NRXN3: variants seen among roughly 807,000 people sequenced by gnomAD.
The protein encoded by NRXN3 is neurexin 3, also known as neurexin III.
Under a neutral mutation model 137.6 loss-of-function variants are expected in NRXN3, and 32 were observed. The ratio of observed to expected loss-of-function variants is 0.23; its 90% CI spans 0.18 to 0.31. The LOEUF (loss-of-function observed/expected upper bound fraction) is 0.31. Among genes scored for constraint, NRXN3 ranks in the 10% least tolerant of loss-of-function variants. NRXN3 has a pLI of 1.00. For synonymous variants in NRXN3, 798 were observed against 784.5 expected (o/e 1.02, Z -0.29); for missense variants, 1,574 against 2,062.5 (o/e 0.76, Z 4.59).
intron 4 of NRXN3, among the ~76,000 whole-genome samples, chr14:78,376,197 C>G (rs891233303): frequency 3.3e-5 from 5 of 152,124 alleles, no homozygotes; most frequent in African/African-American, 1.2e-4. Flanking sequence ...ACTCAAAGTT[C>G]TACAGGAACT....
intron 10 of NRXN3, among the ~76,000 whole-genome samples, chr14:78,917,697 T>A (rs1324416504): frequency 6.6e-6 from 1 of 152,086 alleles, no homozygotes; most frequent in Non-Finnish European, 1.5e-5. Context: ...CAGGAATGAC[T>A]GTCCTTTGTG....
At chr14:79,625,962 T>C (rs1052250522) in intron 16 of NRXN3, among the ~76,000 whole-genome samples, 8 of 152,282 alleles carry the variant, frequency 5.3e-5, no homozygotes, top group Admixed American at 3.9e-4. Flanking sequence ...ATTAAATGAA[T>C]TGTAACTAGA....
At chr14:78,491,212 G>T (rs1158028314) in intron 4 of NRXN3, among the ~76,000 whole-genome samples, 7 of 152,282 alleles carry the variant, frequency 4.6e-5, no homozygotes, top group Middle Eastern at 3.4e-3. Flanking sequence ...TGGGAATTGG[G>T]ATCAGCTGTG....
chr14:79,276,985 C>T (rs994259899), intron 15 of NRXN3, among the ~76,000 whole-genome samples: 2 of 152,096 alleles, frequency 1.3e-5, no homozygotes, highest in African/African-American at 4.8e-5. Context: ...GAGCTTATAA[C>T]CATTTTAAGG....
At chr14:79,763,815 A>G (rs1416426150) in intron 19 of NRXN3, among the ~76,000 whole-genome samples, 1 of 151,514 alleles carries the variant, frequency 6.6e-6, no homozygotes, top group African/African-American at 2.4e-5. Flanking sequence ...ACCTCCTGAT[A>G]CCATTACACT....
At chr14:79,352,861 G>A (rs1463209711) in intron 15 of NRXN3, among the ~76,000 whole-genome samples, 2 of 152,024 alleles carry the variant, frequency 1.3e-5, no homozygotes, top group Admixed American at 1.3e-4. Flanking sequence ...TCAAAATTTG[G>A]ATTCAGACAA....
intron 4 of NRXN3, among the ~76,000 whole-genome samples, chr14:78,359,317 A>C (rs569058841): frequency 8.3e-4 from 126 of 152,128 alleles, no homozygotes; most frequent in Non-Finnish European, 7.8e-4. Flanking sequence ...TGGGCAGTGG[A>C]CGTCTTAAAG....
chr14:79,559,942 T>C (rs930953141), intron 16 of NRXN3, among the ~76,000 whole-genome samples: 4 of 152,124 alleles, frequency 2.6e-5, no homozygotes, highest in Non-Finnish European at 4.4e-5. Context: ...CAGAGTCCCC[T>C]GCTTTGTGGG....
intron 4 of NRXN3, among the ~76,000 whole-genome samples, chr14:78,619,959 C>T (rs1398050763): frequency 6.6e-6 from 1 of 152,134 alleles, no homozygotes; most frequent in Non-Finnish European, 1.5e-5. Context: ...TCACCAGGCA[C>T]CGAATCTGCC....
intron 19 of NRXN3, among the ~76,000 whole-genome samples, chr14:79,769,346 G>A (rs1217063468): frequency 1.3e-5 from 2 of 151,456 alleles, no homozygotes; most frequent in Admixed American, 1.3e-4. Context: ...TTGAAATGAA[G>A]GAAAAAATGT....
intron 16 of NRXN3, among the ~76,000 whole-genome samples, chr14:79,633,841 A>C (rs1171730008): frequency 6.6e-6 from 1 of 152,164 alleles, no homozygotes; most frequent in Non-Finnish European, 1.5e-5. Flanking sequence ...GGATGAGCCA[A>C]CTGGCCTGTT....
intron 10 of NRXN3, among the ~76,000 whole-genome samples, chr14:78,942,634 T>C (rs2099355344): frequency 6.6e-6 from 1 of 151,850 alleles, no homozygotes; most frequent in South Asian, 2.1e-4. Flanking sequence ...AGGGGGAAAA[T>C]GGGAGACACA....
chr14:78,330,846 T>A lies in NRXN3; in HGVS notation c.757+32986T>A, dbSNP rs2080728470. Among the ~76,000 whole-genome samples, 3 of 152,316 alleles carry A rather than the reference T, an allele frequency of 2.0e-5. No individual in the cohort carries two copies. The South Asian group carries it at 6.2e-4, about 32-fold the overall frequency. The stretch of plus-strand genomic sequence containing the variant: ...ATGTTAATATAACCTCATTAATATC[T>A]TTGCAAACGAACTGATAGTATATAC... On this transcript the variant is annotated intron_variant, in intron 4 of 20. Transcript: ENST00000335750.
At chr14:78,275,915 C>T (rs566888860) in intron 2 of NRXN3, among the ~76,000 whole-genome samples, 1 of 152,314 alleles carries the variant, frequency 6.6e-6, no homozygotes, top group East Asian at 1.9e-4. Context: ...AGCCATCCCC[C>T]TCCTTCGTCT....
intron 4 of NRXN3, among the ~76,000 whole-genome samples, chr14:78,438,742 A>G (rs1258673493): frequency 6.6e-6 from 1 of 152,182 alleles, no homozygotes; most frequent in Non-Finnish European, 1.5e-5. Flanking sequence ...GGCTAAGAAC[A>G]GGAGCTAGTG....
intron 4 of NRXN3, among the ~76,000 whole-genome samples, chr14:78,465,338 C>G (rs2095066307): frequency 6.6e-6 from 1 of 151,796 alleles, no homozygotes; most frequent in African/African-American, 2.4e-5. Flanking sequence ...GGAATCAGAG[C>G]CATTAAAAAT....
chr14:78,200,337 G>C (rs113914366), intron 1 of NRXN3, among the ~76,000 whole-genome samples: 2 of 152,314 alleles, frequency 1.3e-5, no homozygotes, highest in South Asian at 2.1e-4. Flanking sequence ...ACTGTGCATC[G>C]GTTGTGAATG....
rs988346421 is a variant in NRXN3, at chr14:79,594,014, A to G, written c.3445-69764A>G. ...ATGTATAAATCCTTTTTTTGAAAAA[A>G]AGCTTGAATCATCATGTAAATGTTT... On this transcript the variant is annotated intron_variant, in intron 16 of 20. Coordinates refer to ENST00000335750, the MANE Select transcript of NRXN3 (RefSeq NM_001330195.2). 2.6e-5 allele frequency among the ~76,000 whole-genome samples: 4 copies of G among 152,236 alleles called. No homozygotes were observed. In the South Asian group the frequency reaches 6.2e-4, roughly 24 times the overall value.
At chr14:79,412,664 T>C (rs1024204761) in intron 15 of NRXN3, among the ~76,000 whole-genome samples, 65 of 149,682 alleles carry the variant, frequency 4.3e-4, no homozygotes, top group African/African-American at 1.6e-3. Context: ...GTAATCCCAA[T>C]CCCAGCTACT....
Sources: gnomAD v4.1 joint callset for allele counts (sites outside exome capture counted in the v4.1 genomes callset) on GRCh38, gnomAD v4.1.1 for gene constraint, MANE v1.5 for transcripts, NCBI Gene and HGNC (gene_info 2026-07-23, HGNC 2026-07-21) for gene names.